GPATCH2: variants seen among roughly 807,000 people sequenced by gnomAD.
The protein encoded by GPATCH2 is G-patch domain containing 2, also known as G patch domain-containing protein 2.
In GPATCH2, 51 loss-of-function variants were observed where a neutral mutation model predicts 58.0. The ratio of observed to expected loss-of-function variants is 0.88; its 90% CI spans 0.70 to 1.11. GPATCH2 has a LOEUF of 1.11. GPATCH2 is among the 50% of genes most tolerant of loss of function. The probability of loss-of-function intolerance (pLI) is 0.00; values close to 1 mark genes in which losing one functional copy is unlikely to be tolerated. For synonymous variants in GPATCH2, 222 were observed against 218.5 expected, an observed-to-expected ratio of 1.02 and a Z score of -0.14; for missense variants, 625 against 652.2, an observed-to-expected ratio of 0.96 and a Z score of 0.45.
intron 2 of GPATCH2, among the ~76,000 whole-genome samples, chr1:217,618,324 C>T (rs1028737236): frequency 5.3e-5 from 8 of 151,256 alleles, no homozygotes; most frequent in Non-Finnish European, 1.5e-5. Context: ...ATTCTCCTGC[C>T]TCAGCCTCCT....
intron 8 of GPATCH2, among the ~76,000 whole-genome samples, chr1:217,481,884 C>CA (rs1558423077): frequency 1.3e-5 from 2 of 151,792 alleles, no homozygotes; most frequent in African/African-American, 2.4e-5. Context: ...AACAAACAAA[C>CA]AAAAAACAAA....
intron 8 of GPATCH2, among the ~76,000 whole-genome samples, chr1:217,452,863 C>A (rs1206726454): frequency 6.6e-6 from 1 of 152,060 alleles, no homozygotes; most frequent in East Asian, 1.9e-4. Context: ...ATAAGAAAAA[C>A]AGCTAGCTGT....
At chr1:217,547,369 A>G (rs1035983759) in intron 5 of GPATCH2, among the ~76,000 whole-genome samples, 1 of 152,082 alleles carries the variant, frequency 6.6e-6, no homozygotes, top group Non-Finnish European at 1.5e-5. Context: ...AAGTCAAAAA[A>G]TAACAGACGC....
intron 8 of GPATCH2, 145 bp from the exon 9 acceptor site, chr1:217,449,482 A>C: frequency 1.6e-6 from 1 of 608,068 alleles, no homozygotes; most frequent in South Asian, 2.0e-5. Flanking sequence ...TTTATATCGA[A>C]ACATAATTAC....
chr1:217,610,269 A>C lies in GPATCH2; in HGVS notation c.1098+52T>G, dbSNP rs899305196. 1.8e-5 allele frequency: 26 copies of C among 1,476,210 alleles called. No individual in the cohort carries two copies. The Admixed American group carries it at 2.4e-4, about 14-fold the overall frequency. 91.4% of individuals were successfully genotyped at this position (1,476,210 alleles called of 1,614,324 possible). The stretch of plus-strand genomic sequence containing the variant: ...ATGAGGATGTGGCTTTTTATTCCAT[A>C]GAAATGGAAACATTTCCAAACATGA... On this transcript the variant is annotated intron_variant, in intron 5 of 9. Coordinates refer to ENST00000366935, the MANE Select transcript of GPATCH2 (RefSeq NM_018040.5).
At chr1:217,618,709 C>A (rs1217279806) in intron 2 of GPATCH2, among the ~76,000 whole-genome samples, 1 of 151,764 alleles carries the variant, frequency 6.6e-6, no homozygotes, top group Non-Finnish European at 1.5e-5. Flanking sequence ...TAAAATGATC[C>A]CAGCCCTTGG....
At chr1:217,546,163 A>C (rs1036378317) in intron 5 of GPATCH2, among the ~76,000 whole-genome samples, 2 of 152,238 alleles carry the variant, frequency 1.3e-5, no homozygotes, top group Non-Finnish European at 2.9e-5. Flanking sequence ...AAGCAAATAG[A>C]AAAACATCCC....
chr1:217,431,295 G>A lies in GPATCH2; in HGVS notation c.1437C>T (p.Gly479=). ...NIGNRMLQNM[G]WTPGSGLGRD... is the part of the protein sequence containing the mutation. Reference sequence around the variant, plus strand: ...GTCCAAGGCCTGACCCAGGCGTCCAGCCCATATTCTGAAGCATTCGGTTTC... The same window carrying A: ...GTCCAAGGCCTGACCCAGGCGTCCAACCCATATTCTGAAGCATTCGGTTTC... Residue 479 remains glycine (G), a synonymous_variant, in exon 10 of 10, where the codon GGC becomes GGT. Transcript: ENST00000366935. 6.2e-7 allele frequency: 1 copy of A among 1,608,376 alleles called. No individual in the cohort carries two copies. The highest frequency in any genetic ancestry group is 1.1e-5 in the South Asian group (1 of 90,968).
chr1:217,475,913 A>C (rs188441639), intron 8 of GPATCH2, among the ~76,000 whole-genome samples: 1 of 152,294 alleles, frequency 6.6e-6, no homozygotes, highest in East Asian at 1.9e-4. Flanking sequence ...GGAAATCTCA[A>C]GCATGATAGT....
At chr1:217,568,028 A>G (rs1666340326) in intron 5 of GPATCH2, among the ~76,000 whole-genome samples, 1 of 152,134 alleles carries the variant, frequency 6.6e-6, no homozygotes, top group Admixed American at 6.5e-5. Flanking sequence ...GAGGCAGGAG[A>G]ATGGTGTGAA....
At chr1:217,469,097 A>C (rs1660605433) in intron 8 of GPATCH2, among the ~76,000 whole-genome samples, 1 of 152,150 alleles carries the variant, frequency 6.6e-6, no homozygotes, top group Non-Finnish European at 1.5e-5. Flanking sequence ...GGTCTAAATC[A>C]TGGAGTCTGC....
At position 217,428,989 on chromosome 1, in the gene GPATCH2, C is replaced by A. The variant is rs572775256; in HGVS notation, c.*2156G>T. ...TAAGGTGAAAAAGAACAGCCAAGTC[C>A]TCAGGAGTGTGGAACCAGGCTAACA... On this transcript the variant is annotated 3_prime_UTR_variant, in exon 10 of 10. Coordinates refer to ENST00000366935, the MANE Select transcript of GPATCH2 (RefSeq NM_018040.5). 6.6e-6 allele frequency: 1 copy of A among 152,192 alleles called. No individual in the cohort carries two copies. The highest frequency in any genetic ancestry group is 2.1e-4 in the South Asian group (1 of 4,812). The allele number at this position is 152,192 out of a possible 1,614,324, so 9.4% of individuals were successfully genotyped here.
intron 8 of GPATCH2, among the ~76,000 whole-genome samples, chr1:217,462,712 G>A (rs1280396574): frequency 6.6e-6 from 1 of 152,056 alleles, no homozygotes; most frequent in African/African-American, 2.4e-5. Flanking sequence ...AACATGATGG[G>A]GAAATCTTTT....
intron 5 of GPATCH2, among the ~76,000 whole-genome samples, chr1:217,568,562 G>C (rs979433173): frequency 7.9e-5 from 12 of 152,282 alleles, no homozygotes; most frequent in South Asian, 4.1e-4. Flanking sequence ...TCAAACAGGT[G>C]AGGAAGAGAG....
At chr1:217,485,388 C>A (rs904184636) in intron 8 of GPATCH2, among the ~76,000 whole-genome samples, 4 of 151,990 alleles carry the variant, frequency 2.6e-5, no homozygotes, top group Admixed American at 1.3e-4. Flanking sequence ...CTGGGCATCT[C>A]TTAGCCCAGT....
chr1:217,461,761 G>A (rs925774000), intron 8 of GPATCH2, among the ~76,000 whole-genome samples: 3 of 152,078 alleles, frequency 2.0e-5, no homozygotes, highest in African/African-American at 7.2e-5. Context: ...GTATATGCAT[G>A]TACTTTTATT....
intron 5 of GPATCH2, among the ~76,000 whole-genome samples, chr1:217,580,781 G>T (rs1667041580): frequency 9.2e-6 from 1 of 108,790 alleles, no homozygotes; most frequent in South Asian, 3.0e-4. Flanking sequence ...GGCCGAGGCG[G>T]GTGGATCATG....
chr1:217,464,926 C>T (rs916475569), intron 8 of GPATCH2, among the ~76,000 whole-genome samples: 1 of 151,760 alleles, frequency 6.6e-6, no homozygotes, highest in African/African-American at 2.4e-5. Context: ...TAGATATGCC[C>T]ACAAAAATGA....
chr1:217,631,045 T>C lies in GPATCH2; in HGVS notation c.-74A>G. 1 of 1,383,614 alleles carries C rather than the reference T, an allele frequency of 7.2e-7. No individual in the cohort carries two copies. The highest frequency in any genetic ancestry group is 9.9e-7 in the Non-Finnish European group (1 of 1,008,156). The allele number at this position is 1,383,614 out of a possible 1,614,324, so 85.7% of individuals were successfully genotyped here. A position where few individuals can be genotyped will look rare whatever the true frequency, so the allele number is the denominator to read the frequency against. On this transcript the variant is annotated 5_prime_UTR_variant, in exon 1 of 10. Transcript: ENST00000366935. The stretch of plus-strand genomic sequence containing the variant: ...TCCAACTACAACAGCACCGGCGACT[T>C]CCAAAGAGCAGTTCAGCATTTTGAG...
Sources: gnomAD v4.1 joint callset for allele counts (sites outside exome capture counted in the v4.1 genomes callset) on GRCh38, gnomAD v4.1.1 for gene constraint, MANE v1.5 for transcripts, NCBI Gene and HGNC (gene_info 2026-07-23, HGNC 2026-07-21) for gene names.